Variants in TPD52L2 observed in about 807,000 individuals in gnomAD.
TPD52L2 encodes the protein TPD52 like 2.
A neutral mutation model predicts 24.7 loss-of-function variants in TPD52L2; 19 were observed. That is an observed-to-expected ratio of 0.77 (90% CI 0.54 to 1.13). The LOEUF (loss-of-function observed/expected upper bound fraction) is 1.13, where lower values mean the gene tolerates loss of function less well. TPD52L2 is among the 50% of genes most tolerant of loss of function. The probability of loss-of-function intolerance (pLI) is 0.00; values close to 1 mark genes in which losing one functional copy is unlikely to be tolerated. For missense variants in TPD52L2, 236 were observed against 250.4 expected, an observed-to-expected ratio of 0.94 and a Z score of 0.39; for synonymous variants, 104 against 100.2, an observed-to-expected ratio of 1.04 and a Z score of -0.23.
chr20:63,875,914 C>G (rs777200652), intron 4 of TPD52L2, 39 bp downstream of exon 4: 26 of 1,602,668 alleles, frequency 1.6e-5, no homozygotes, highest in Admixed American at 5.0e-5. Flanking sequence ...CCTTCCTCCT[C>G]TCCGCCTCCT....
chr20:63,869,480 G>A, intron 2 of TPD52L2, 39 bp downstream of exon 2: 1 of 1,608,372 alleles, frequency 6.2e-7, no homozygotes, highest in Non-Finnish European at 8.5e-7. Flanking sequence ...GTGAATTGGA[G>A]TTAAGGCCCT....
chr20:63,876,952 C>T (rs11698434), intron 4 of TPD52L2: 6,627 of 454,790 alleles, frequency 0.015, 77 homozygotes, highest in Non-Finnish European at 0.02. Context: ...GGCATGGCTA[C>T]AGCAGCCAGC....
intron 5 of TPD52L2, chr20:63,886,075 C>T: frequency 6.2e-7 from 1 of 1,612,146 alleles, no homozygotes; most frequent in Non-Finnish European, 8.5e-7. Flanking sequence ...CTGTGGAAGA[C>T]TTTTCTCTGA....
chr20:63,871,486 A>G (rs1355728943), intron 2 of TPD52L2, among the ~76,000 whole-genome samples: 6 of 145,158 alleles, frequency 4.1e-5, no homozygotes, highest in East Asian at 2.0e-4. Flanking sequence ...AGTAGCTGGG[A>G]TTACAGGCGC....
rs1206612033 is a variant in TPD52L2 at position 63,891,488 on chromosome 20, A to C, written c.*1543A>C. 1 of 152,218 alleles carries C rather than the reference A, an allele frequency of 6.6e-6. No individual in the cohort carries two copies. Among genetic ancestry groups the C allele is most frequent in the Admixed American group, 6.5e-5 (1 of 15,278 alleles). 9.4% of individuals were successfully genotyped at this position (152,218 alleles called of 1,614,324 possible). On this transcript the variant is annotated 3_prime_UTR_variant, in exon 7 of 7. Coordinates refer to ENST00000346249, the MANE Select transcript of TPD52L2 (RefSeq NM_003288.4). The surrounding 1 kb of genome is among the most constrained non-coding windows in gnomAD (Gnocchi z 4.7). Reference sequence around the variant, plus strand: ...GTTGACCGATGTATCTTTTCCTTAAAGTTATTATAATAATGGGTAATTTGT... The same window carrying C: ...GTTGACCGATGTATCTTTTCCTTAACGTTATTATAATAATGGGTAATTTGT...
intron 5 of TPD52L2, among the ~76,000 whole-genome samples, chr20:63,886,506 C>A (rs748950006): frequency 1.3e-5 from 2 of 151,930 alleles, no homozygotes; most frequent in East Asian, 1.9e-4. Flanking sequence ...GGACTACAGG[C>A]GCCCGCCGCC....
At chr20:63,883,885 G>A (rs564145497) in intron 5 of TPD52L2, among the ~76,000 whole-genome samples, 1 of 151,860 alleles carries the variant, frequency 6.6e-6, no homozygotes, top group Non-Finnish European at 1.5e-5. Context: ...CTGCCTCCCC[G>A]CCTGTGGTTG....
chr20:63,887,595 C>T lies in TPD52L2; in HGVS notation c.477-1595C>T, dbSNP rs376727122. 29 of 1,613,284 alleles carry T rather than the reference C, an allele frequency of 1.8e-5. No individual in the cohort carries two copies. The highest frequency in any genetic ancestry group is 2.7e-5 in the African/African-American group (2 of 74,938). On this transcript the variant is annotated intron_variant, in intron 5 of 6. Transcript: ENST00000346249. ...CTCCATCCGCCACTCAATAAGTATG[C>T]CAGCCATGAGGTAATGTATGCCTGC...
chr20:63,889,365 T>G (rs1568965014), intron 6 of TPD52L2, 127 bp downstream of exon 6: 1 of 877,876 alleles, frequency 1.1e-6, no homozygotes, highest in African/African-American at 1.7e-5. Flanking sequence ...GAGAGGTTCC[T>G]TGTGCCTTTT....
chr20:63,887,220 G>A (rs1013779020), intron 5 of TPD52L2: 1 of 415,636 alleles, frequency 2.4e-6, no homozygotes, highest in Non-Finnish European at 4.5e-6. Context: ...ACTTGACTTG[G>A]TGGTTTCTCT....
Position 63,887,769 on chromosome 20 carries a change from A to G in TPD52L2, c.477-1421A>G, listed in dbSNP as rs2053188650. ...CTAAGGGCCGGTAAAAACCCCCTCT[A>G]GGCTGACGAGGAAGAGCTGGTAGGG... On this transcript the variant is annotated intron_variant, in intron 5 of 6. Transcript: ENST00000346249. 8 of 688,888 alleles carry G rather than the reference A, an allele frequency of 1.2e-5. No homozygotes were observed. The South Asian group carries it at 1.2e-4, about 10-fold the overall frequency. 42.7% of individuals were successfully genotyped at this position (688,888 alleles called of 1,614,324 possible).
chr20:63,870,495 C>T (rs751303528), intron 2 of TPD52L2, among the ~76,000 whole-genome samples: 20 of 144,198 alleles, frequency 1.4e-4, no homozygotes, highest in Non-Finnish European at 2.7e-4. Flanking sequence ...AGGTTTTTTT[C>T]AGAGTTGAAT....
Position 63,887,819 on chromosome 20 carries a change from C to T in TPD52L2, c.477-1371C>T, listed in dbSNP as rs954739240. On this transcript the variant is annotated intron_variant, in intron 5 of 6. Coordinates refer to ENST00000346249, the MANE Select transcript of TPD52L2 (RefSeq NM_003288.4). ...GGGTCAGGCTCTTCACCTGCAGCCT[C>T]CAGAGGAGATCCTTGTGTCAAACTG... 5.0e-6 allele frequency: 3 copies of T among 596,730 alleles called. No homozygotes were observed. The Admixed American group carries it at 9.1e-5, about 18-fold the overall frequency. The allele number at this position is 596,730 out of a possible 1,614,324, so 37.0% of individuals were successfully genotyped here.
At chr20:63,885,376 G>A (rs2053053892) in intron 5 of TPD52L2, among the ~76,000 whole-genome samples, 2 of 152,238 alleles carry the variant, frequency 1.3e-5, no homozygotes, top group African/African-American at 4.8e-5. Flanking sequence ...CGAGTTGAGT[G>A]TTTCTCAGTT....
intron 5 of TPD52L2, chr20:63,888,363 CTT>C (rs1474386329): frequency 6.6e-6 from 1 of 152,542 alleles, no homozygotes; most frequent in Non-Finnish European, 1.5e-5. Context: ...ACTGCACAGA[CTT>C]TTCATAACTT....
intron 2 of TPD52L2, 82 bp downstream of exon 2, chr20:63,869,523 C>T (rs566272953): frequency 1.7e-5 from 26 of 1,567,982 alleles, no homozygotes; most frequent in Admixed American, 6.8e-5. Context: ...GTACTGGCCA[C>T]GCTCGGGAGG....
rs1402487083 is a variant in TPD52L2 at position 63,869,401 on chromosome 20, C to CA, written c.126dup (p.Glu43ArgfsTer3). On this transcript the variant is annotated frameshift_variant, in exon 2 of 7. Coordinates refer to ENST00000346249, the MANE Select transcript of TPD52L2 (RefSeq NM_003288.4). LOFTEE classifies it high-confidence loss of function. ...CGGACTCCTGCTGTTGAGGGTCTGA[C>CA]AGAGGCTGAGGAGGAGGAGCTCAGG... The CA allele has an allele frequency of 1.2e-6, 2 of 1,614,198 alleles. No individual in the cohort carries two copies.
intron 6 of TPD52L2, among the ~76,000 whole-genome samples, chr20:63,889,491 A>G (rs2053255319): frequency 6.6e-6 from 1 of 151,850 alleles, no homozygotes; most frequent in Non-Finnish European, 1.5e-5. Context: ...CCTGGTCCCC[A>G]CTGCCCTTCC....
chr20:63,870,341 G>T (rs888942149), intron 2 of TPD52L2, among the ~76,000 whole-genome samples: 6 of 152,150 alleles, frequency 3.9e-5, no homozygotes, highest in African/African-American at 1.4e-4. Flanking sequence ...TTGTGCCGCT[G>T]AGTCTGAGGA....
Sources: allele counts gnomAD v4.1 joint callset (sites outside exome capture counted in the v4.1 genomes callset), GRCh38; gene constraint gnomAD v4.1.1; non-coding constraint Gnocchi (gnomAD v3.1); transcripts MANE v1.5; gene names NCBI Gene and HGNC (gene_info 2026-07-23, HGNC 2026-07-21).